Variants in NTM observed in about 807,000 individuals in gnomAD.
NTM encodes the protein IgLON family member 2.
A neutral mutation model predicts 42.1 loss-of-function variants in NTM; 13 were observed. That is an observed-to-expected ratio of 0.31 (90% CI 0.20 to 0.49). The LOEUF is 0.49. Among genes scored for constraint, NTM ranks in the 20% least tolerant of loss-of-function variants. The pLI, the probability that NTM is intolerant of heterozygous loss-of-function variation, is 0.99. For missense variants in NTM, 373 were observed against 452.8 expected (o/e 0.82, Z 1.60); for synonymous variants, 187 against 179.2 (o/e 1.04, Z -0.35).
At chr11:131,729,783 T>C (rs984293591) in intron 1 of NTM, among the ~76,000 whole-genome samples, 1 of 152,240 alleles carries the variant, frequency 6.6e-6, no homozygotes, top group Non-Finnish European at 1.5e-5. Context: ...AATATTTCCT[T>C]GTGTGGATAT....
chr11:131,782,889 A>T (rs2088437045), intron 1 of NTM, among the ~76,000 whole-genome samples: 1 of 152,134 alleles, frequency 6.6e-6, no homozygotes. Flanking sequence ...TTCGTAGAGG[A>T]CGGAATGAAT....
intron 4 of NTM, among the ~76,000 whole-genome samples, chr11:132,289,884 T>A (rs1336840487): frequency 6.6e-6 from 1 of 152,222 alleles, no homozygotes; most frequent in East Asian, 1.9e-4. Context: ...TCTTTCCACA[T>A]CCTCAGACCA....
intron 1 of NTM, among the ~76,000 whole-genome samples, chr11:131,721,105 T>C (rs1386520708): frequency 1.3e-5 from 2 of 151,106 alleles, no homozygotes; most frequent in Non-Finnish European, 2.9e-5. Context: ...AACATATTTT[T>C]AAATACTTAA....
intron 1 of NTM, among the ~76,000 whole-genome samples, chr11:131,720,881 A>G (rs2078252198): frequency 6.6e-6 from 1 of 152,194 alleles, no homozygotes; most frequent in African/African-American, 2.4e-5. Context: ...AGGACTTACC[A>G]GGTAGGGGTT....
At chr11:131,646,785 T>C (rs555333312) in intron 1 of NTM, among the ~76,000 whole-genome samples, 25 of 152,324 alleles carry the variant, frequency 1.6e-4, no homozygotes, top group Admixed American at 1.4e-3. Context: ...CTCAGCCTTA[T>C]CAACATTTGG....
intron 1 of NTM, among the ~76,000 whole-genome samples, chr11:131,477,773 A>G (rs1275657842): frequency 6.6e-6 from 1 of 151,762 alleles, no homozygotes; most frequent in Non-Finnish European, 1.5e-5. Context: ...ATAAAACTGC[A>G]TGTATCAGTC....
intron 1 of NTM, among the ~76,000 whole-genome samples, chr11:131,847,127 A>G (rs1379478851): frequency 6.6e-6 from 1 of 152,156 alleles, no homozygotes; most frequent in Admixed American, 6.5e-5. Context: ...TCTTTTCTAT[A>G]AAGTAGGAAT....
At chr11:131,528,486 G>C (rs1359275410) in intron 1 of NTM, among the ~76,000 whole-genome samples, 2 of 152,110 alleles carry the variant, frequency 1.3e-5, no homozygotes, top group Non-Finnish European at 2.9e-5. Context: ...ACTTTCACAG[G>C]TTCACACAGC....
At position 132,064,941 on chromosome 11, in the gene NTM, C is replaced by T. The variant is rs117613314; in HGVS notation, c.168-81341C>T. The stretch of plus-strand genomic sequence containing the variant: ...TCCTCATTTCTGTTTAAAAATCCAG[C>T]GCAATATTATGGATTTATTGTCACA... On this transcript the variant is annotated intron_variant, in intron 2 of 8. Transcript: ENST00000683400. Among the ~76,000 whole-genome samples the T allele has an allele frequency of 3.4e-4, 52 of 152,242 alleles. No homozygotes were observed. In the East Asian group the frequency reaches 5.4e-3, roughly 16 times the overall value.
At chr11:131,617,249 G>A (rs1039346362) in intron 1 of NTM, among the ~76,000 whole-genome samples, 2 of 152,138 alleles carry the variant, frequency 1.3e-5, no homozygotes, top group African/African-American at 4.8e-5. Flanking sequence ...AATCTAGGGT[G>A]ACGTGGCTAC....
intron 3 of NTM, among the ~76,000 whole-genome samples, chr11:132,205,758 C>A (rs1212426662): frequency 6.6e-6 from 1 of 152,216 alleles, no homozygotes; most frequent in African/African-American, 2.4e-5. Flanking sequence ...TACCCCTCTG[C>A]TCTTTACCTT....
chr11:132,307,229 ATG>A (rs1205916768), intron 4 of NTM, among the ~76,000 whole-genome samples: 4 of 152,062 alleles, frequency 2.6e-5, no homozygotes, highest in Non-Finnish European at 5.9e-5. Context: ...GTGTGTGTGT[ATG>A]TGTATGTAGC....
chr11:131,577,631 G>A (rs2063755), intron 1 of NTM, among the ~76,000 whole-genome samples: 66,009 of 152,062 alleles, frequency 0.43, 16,457 homozygotes, highest in East Asian at 0.58. Context: ...AGTGGCTAGA[G>A]TTGTGCCTGC....
At chr11:132,285,700 G>A (rs1329583047) in intron 4 of NTM, among the ~76,000 whole-genome samples, 1 of 152,152 alleles carries the variant, frequency 6.6e-6, no homozygotes, top group Non-Finnish European at 1.5e-5. Context: ...ACACACAAGA[G>A]ATCATTTATT....
intron 1 of NTM, among the ~76,000 whole-genome samples, chr11:131,556,845 C>T (rs376466771): frequency 2.6e-5 from 4 of 152,114 alleles, no homozygotes; most frequent in African/African-American, 4.8e-5. Context: ...CCATTACAGG[C>T]GTGAGCCACC....
intron 2 of NTM, among the ~76,000 whole-genome samples, chr11:132,083,426 G>T (rs2059331165): frequency 6.6e-6 from 1 of 152,236 alleles, no homozygotes. Context: ...AATTGGCTTT[G>T]AGGGAAGTTT....
intron 2 of NTM, among the ~76,000 whole-genome samples, chr11:132,006,171 T>A (rs555913711): frequency 6.6e-6 from 1 of 152,208 alleles, no homozygotes; most frequent in African/African-American, 2.4e-5. Context: ...TGTGTAGGAG[T>A]TGACAGAAAT....
At chr11:131,789,610 G>GA (rs2090404192) in intron 1 of NTM, among the ~76,000 whole-genome samples, 4 of 84,310 alleles carry the variant, frequency 4.7e-5, no homozygotes, top group Non-Finnish European at 9.3e-5. Context: ...AGAAGAAGAA[G>GA]AAGAAGAAGA....
Position 131,493,569 on chromosome 11 carries a change from G to T in NTM, c.82+122681G>T, listed in dbSNP as rs2053808. ...AACAACCACAACAACAGTGCTGATA[G>T]CTGCCATTGGCTCATGGCTTACTGT... On this transcript the variant is annotated intron_variant, in intron 1 of 8. Coordinates refer to ENST00000683400, the MANE Select transcript of NTM (RefSeq NM_001352005.2). Among the ~76,000 whole-genome samples, 378 of 152,252 alleles carry T rather than the reference G, an allele frequency of 2.5e-3. 8 individuals are homozygous for T. Among genetic ancestry groups the T allele is most frequent in the Admixed American group, 0.019 (287 of 15,300 alleles).
Sources: gnomAD v4.1 joint callset for allele counts (sites outside exome capture counted in the v4.1 genomes callset) on GRCh38, gnomAD v4.1.1 for gene constraint, MANE v1.5 for transcripts, NCBI Gene and HGNC (gene_info 2026-07-23, HGNC 2026-07-21) for gene names.